FBN2: variants seen among roughly 807,000 people sequenced by gnomAD.
FBN2 encodes fibrillin-2.
Under a neutral mutation model 355.6 loss-of-function variants are expected in FBN2, and 105 were observed. The ratio of observed to expected loss-of-function variants is 0.30; its 90% CI spans 0.25 to 0.35. The LOEUF (loss-of-function observed/expected upper bound fraction) is 0.35. Among genes scored for constraint, FBN2 ranks in the 10% least tolerant of loss-of-function variants. The pLI is 1.00. For missense variants in FBN2, 3,280 were observed against 3,758.7 expected (o/e 0.87, Z 3.33); for synonymous variants, 1,350 against 1,301.2 (o/e 1.04, Z -0.81).
chr5:128,433,958 A>G (rs1407324033), intron 7 of FBN2, among the ~76,000 whole-genome samples: 2 of 152,104 alleles, frequency 1.3e-5, no homozygotes, highest in South Asian at 2.1e-4. Flanking sequence ...CTATAACTAA[A>G]TTTGTTTATT....
At position 128,276,054 on chromosome 5, in the gene FBN2, A is replaced by T. The variant is rs1175882037; in HGVS notation, c.7578T>A (p.Asp2526Glu). 6.2e-7 allele frequency: 1 copy of T among 1,613,814 alleles called. No homozygotes were observed. The change falls in exon 59 of 65, where the codon GAT (aspartate) becomes GAA (glutamate). Residue 2526 changes from aspartate (D) to glutamate (E), a missense_variant. By Grantham distance (45) the Asp-to-Glu change is conservative (BLOSUM62 2). Coordinates refer to ENST00000262464, the MANE Select transcript of FBN2 (RefSeq NM_001999.4). ...SCPRGYVLQE[D>E]GKTCKDLDEC... is the part of the protein sequence containing the mutation. ...TTCACTCACCTTTGCATGTCTTTCC[A>T]TCCTCTTGCAGGACATACCCCCTCG...
rs141854054 is a variant in FBN2, at chr5:128,278,800, T to C, written c.7180A>G (p.Ile2394Val). 4.9e-5 allele frequency: 79 copies of C among 1,613,854 alleles called. No homozygotes were observed. Among genetic ancestry groups the C allele is most frequent in the African/African-American group, 2.8e-4 (21 of 74,902 alleles). ...CGACTACTGGATGCCATTTGACATATTGTCTGCAGTACCTCTGCAAAGCAG... is the reference window on the plus strand; with the variant it reads ...CGACTACTGGATGCCATTTGACATACTGTCTGCAGTACCTCTGCAAAGCAG... ...GLCFAEVLQT[I>V]CQMASSSRNL... The change falls in exon 57 of 65, where the codon ATA becomes GTA. Residue 2394 changes from isoleucine to valine, a missense_variant. Around this residue, in one of 6 missense-constraint regions of FBN2, gnomAD observed 2,284 missense variants for 2,749.5 expected, o/e 0.83. Coordinates refer to ENST00000262464, the MANE Select transcript of FBN2 (RefSeq NM_001999.4).
chr5:128,327,635 TTTTG>T (rs1253362790), intron 34 of FBN2, among the ~76,000 whole-genome samples: 2 of 151,922 alleles, frequency 1.3e-5, no homozygotes, highest in South Asian at 2.1e-4. Context: ...GTTTGTTTGT[TTTTG>T]TTTTTGTTTT....
intron 7 of FBN2, 76 bp from the exon 8 acceptor site, chr5:128,408,875 A>G (rs201055316): frequency 6.7e-7 from 1 of 1,500,934 alleles, no homozygotes; most frequent in African/African-American, 1.4e-5. Flanking sequence ...TTTTTTTTTA[A>G]GAGTATGAGA....
intron 12 of FBN2, 97 bp downstream of exon 12, chr5:128,378,674 T>C: frequency 7.6e-7 from 1 of 1,311,076 alleles, no homozygotes; most frequent in Non-Finnish European, 1.1e-6. Context: ...GTAACACTTA[T>C]TTTATTCCAT....
rs375330457 is a variant in FBN2 at position 128,317,156 on chromosome 5, G to C, written c.4717+993C>G. Among the ~76,000 whole-genome samples the C allele has an allele frequency of 9.2e-5, 14 of 152,182 alleles. 1 individual carries two copies. The highest frequency in any genetic ancestry group is 4.1e-4 in the South Asian group (2 of 4,820). ...TTGGTCTGTCCCCTCCTTAAAGGCT[G>C]TGACTCCCCCATCCCTAATATAACA... On this transcript the variant is annotated intron_variant, in intron 36 of 64. Coordinates refer to ENST00000262464, the MANE Select transcript of FBN2 (RefSeq NM_001999.4).
chr5:128,466,755 G>A (rs1430844059), intron 5 of FBN2, among the ~76,000 whole-genome samples: 1 of 152,158 alleles, frequency 6.6e-6, no homozygotes, highest in Non-Finnish European at 1.5e-5. Flanking sequence ...AACAACAGAT[G>A]TGCTGGCTGC....
In FBN2 at chr5:128,537,470, T is replaced by TGCG. The variant is rs1483229031; in HGVS notation, c.131_133dup (p.Pro44dup). 5 of 1,602,414 alleles carry TGCG rather than the reference T, an allele frequency of 3.1e-6. No homozygotes were observed. In the Admixed American group the frequency reaches 5.1e-5, roughly 16 times the overall value. ...GCCTGCTGTAGCGGACCGAACCTGT[T>TGCG]GCGGCGGCGGCTGGGGCCGGGGCGG... On this transcript the variant is annotated inframe_insertion, in exon 1 of 65. Transcript: ENST00000262464.
chr5:128,520,158 G>A (rs116147579), intron 4 of FBN2, among the ~76,000 whole-genome samples: 28 of 152,268 alleles, frequency 1.8e-4, no homozygotes, highest in African/African-American at 6.5e-4. Flanking sequence ...GAGACCAGGA[G>A]TTAGGGTTCC....
rs139871871 is a variant in FBN2 at position 128,364,830 on chromosome 5, G to T, written c.2303-105C>A. On this transcript the variant is annotated intron_variant, in intron 17 of 64. Transcript: ENST00000262464. ...TTCAACATATGAAGTGTTTAACTCT[G>T]CAAACTCACAATTTGCCTGCCTTTC... is the stretch of plus-strand genomic sequence containing the variant. 1.3e-4 allele frequency: 128 copies of T among 954,950 alleles called. No individual in the cohort carries two copies. The African/African-American group carries it at 1.8e-3, about 14-fold the overall frequency. 59.2% of individuals were successfully genotyped at this position (954,950 alleles called of 1,614,324 possible). A position where few individuals can be genotyped will look rare whatever the true frequency, so the allele number is the denominator to read the frequency against.
chr5:128,410,016 GTCT>G (rs1451794916), intron 7 of FBN2, among the ~76,000 whole-genome samples: 1 of 152,040 alleles, frequency 6.6e-6, no homozygotes, highest in East Asian at 1.9e-4. Context: ...TACGCTGTGT[GTCT>G]TCTTGGCATG....
intron 55 of FBN2, 35 bp downstream of exon 55, chr5:128,286,683 C>A (rs1163429022): frequency 5.0e-6 from 8 of 1,613,072 alleles, no homozygotes; most frequent in Non-Finnish European, 6.8e-6. Context: ...GGAGTGGAGG[C>A]ATTACATAAG....
At position 128,309,346 on chromosome 5, in the gene FBN2, C is replaced by G; in HGVS notation, c.5254G>C (p.Glu1752Gln). 1 of 1,614,002 alleles carries G rather than the reference C, an allele frequency of 6.2e-7. No individual in the cohort carries two copies. Among genetic ancestry groups the G allele is most frequent in the Non-Finnish European group, 8.5e-7 (1 of 1,179,876 alleles). Residue 1752 changes from glutamate to glutamine, a missense_variant, in exon 41 of 65, where the codon GAG becomes CAG. Transcript: ENST00000262464. The stretch of plus-strand genomic sequence containing the variant: ...CTTTTTGTCACATTGAAAGGCAACT[C>G]ATTCTCACAAGTGGTTCCATTATAG... ...RSYNGTTCEN[E>Q]LPFNVTKRMC... is the part of the protein sequence containing the mutation.
intron 6 of FBN2, among the ~76,000 whole-genome samples, chr5:128,450,056 G>A (rs1414917230): frequency 6.6e-6 from 1 of 152,038 alleles, no homozygotes; most frequent in Non-Finnish European, 1.5e-5. Context: ...AGCAGATAAA[G>A]CTGAAAACAG....
intron 7 of FBN2, among the ~76,000 whole-genome samples, chr5:128,427,940 C>T (rs958090239): frequency 4.6e-5 from 7 of 152,156 alleles, no homozygotes; most frequent in Admixed American, 2.6e-4. Flanking sequence ...CTTTTCTCCT[C>T]GCTATGTTCT....
chr5:128,440,831 T>C (rs558097255), intron 7 of FBN2, among the ~76,000 whole-genome samples: 1 of 152,190 alleles, frequency 6.6e-6, no homozygotes, highest in African/African-American at 2.4e-5. Context: ...ATCTAACATA[T>C]CAGCCAGAGA....
chr5:128,282,694 T>TCTTG (rs1749004348), intron 55 of FBN2, among the ~76,000 whole-genome samples: 1 of 152,198 alleles, frequency 6.6e-6, no homozygotes, highest in Non-Finnish European at 1.5e-5. Flanking sequence ...ATAGGGTGTA[T>TCTTG]CTTGGAGTGA....
At position 128,300,800 on chromosome 5, in the gene FBN2, A is replaced by T. The variant is rs1749693066; in HGVS notation, c.6166+17T>A. On this transcript the variant is annotated intron_variant, in intron 48 of 64. Coordinates refer to ENST00000262464, the MANE Select transcript of FBN2 (RefSeq NM_001999.4). ...TACTGAACTACTAGTGGGCCTCAGA[A>T]TAAATGTTACTCTTACCAATGCAGT... is the stretch of plus-strand genomic sequence containing the variant. 2.5e-6 allele frequency: 4 copies of T among 1,613,566 alleles called. No homozygotes were observed. The highest frequency in any genetic ancestry group is 3.4e-6 in the Non-Finnish European group (4 of 1,179,594).
At chr5:128,278,266 A>C (rs866600037) in intron 57 of FBN2, among the ~76,000 whole-genome samples, 9 of 152,284 alleles carry the variant, frequency 5.9e-5, no homozygotes, top group Middle Eastern at 6.8e-3. Flanking sequence ...CTAAGCATGA[A>C]TGATTTTGGG....
Sources: gnomAD v4.1 joint callset for allele counts (sites outside exome capture counted in the v4.1 genomes callset) on GRCh38, gnomAD v4.1.1 for gene constraint, gnomAD v4.1.1 regional missense constraint, MANE v1.5 for transcripts, NCBI Gene and HGNC (gene_info 2026-07-23, HGNC 2026-07-21) for gene names.